Variants in NCAPH observed in about 807,000 individuals in gnomAD.
NCAPH encodes the protein condensin complex subunit 2.
A neutral mutation model predicts 85.5 loss-of-function variants in NCAPH; 38 were observed. The ratio of observed to expected loss-of-function variants is 0.44; its 90% CI spans 0.34 to 0.58. The LOEUF is 0.58. NCAPH is among the 20% of genes least tolerant of loss of function. The probability of loss-of-function intolerance (pLI) is 0.01; values close to 1 mark genes in which losing one functional copy is unlikely to be tolerated. For missense variants in NCAPH, 789 were observed against 916.6 expected, an observed-to-expected ratio of 0.86 and a Z score of 1.80; for synonymous variants, 301 against 335.1, an observed-to-expected ratio of 0.90 and a Z score of 1.11.
chr2:96,339,862 T>C (rs2064267385), intron 1 of NCAPH, among the ~76,000 whole-genome samples: 1 of 152,184 alleles, frequency 6.6e-6, no homozygotes, highest in African/African-American at 2.4e-5. Context: ...CCTGATTTTC[T>C]CCCACCTCAC....
chr2:96,358,617 C>T lies in NCAPH; in HGVS notation c.1209-428C>T, dbSNP rs995406275. On this transcript the variant is annotated intron_variant, in intron 9 of 17. Coordinates refer to ENST00000240423, the MANE Select transcript of NCAPH (RefSeq NM_015341.5). ...CGGAGTAGCTGGGACTACAGGCGCC[C>T]GCCACCACGCCCGGCTAATTTTTTG... is the stretch of plus-strand genomic sequence containing the variant. Among the ~76,000 whole-genome samples, 9 of 151,890 alleles carry T rather than the reference C, an allele frequency of 5.9e-5. 1 individual carries two copies. Among genetic ancestry groups the T allele is most frequent in the Non-Finnish European group, 7.4e-5 (5 of 67,880 alleles).
Position 96,361,824 on chromosome 2 carries a change from ATATATTTT to A in NCAPH, c.1587+1116_1587+1123del, listed in dbSNP as rs1266971298. On this transcript the variant is annotated intron_variant, in intron 12 of 17. Coordinates refer to ENST00000240423, the MANE Select transcript of NCAPH (RefSeq NM_015341.5). ...TATATGTGTATATATATATATATAT[ATATATTTT>A]TTTTTTTTTTTCCCTGAATTGACTG... Among the ~76,000 whole-genome samples, 12 of 120,230 alleles carry A rather than the reference ATATATTTT, an allele frequency of 1.0e-4. No individual in the cohort carries two copies. In the South Asian group the frequency reaches 4.9e-3, roughly 49 times the overall value. The allele number at this position is 120,230 out of a possible 152,430, so 78.9% of individuals were successfully genotyped here. A position where few individuals can be genotyped will look rare whatever the true frequency, so the allele number is the denominator to read the frequency against.
Position 96,365,939 on chromosome 2 carries a change from C to T in NCAPH, c.1762C>T (p.Leu588Phe). 6.2e-7 allele frequency: 1 copy of T among 1,614,140 alleles called. No individual in the cohort carries two copies. Among genetic ancestry groups the T allele is most frequent in the Non-Finnish European group, 8.5e-7 (1 of 1,180,024 alleles). ...TGTGGGACCTGTTGGGAACTCTGAC[C>T]TCTCACCTTATCCTTGCCATCCACC... ...LFVGPVGNSD[L>F]SPYPCHPPKT... Residue 588 changes from leucine to phenylalanine, a missense_variant, in exon 14 of 18, where the codon CTC becomes TTC. Leu to Phe is a conservative substitution (Grantham distance 22). Coordinates refer to ENST00000240423, the MANE Select transcript of NCAPH (RefSeq NM_015341.5).
intron 1 of NCAPH, among the ~76,000 whole-genome samples, chr2:96,338,335 G>A (rs1200842926): frequency 1.3e-5 from 2 of 150,590 alleles, no homozygotes; most frequent in Non-Finnish European, 2.9e-5. Flanking sequence ...CAGTGCCTCT[G>A]TCTTTTCTCC....
intron 12 of NCAPH, among the ~76,000 whole-genome samples, 184 bp downstream of exon 12, chr2:96,360,894 CACACAGTAA>C (rs1257370393): frequency 6.6e-6 from 1 of 152,110 alleles, no homozygotes; most frequent in Non-Finnish European, 1.5e-5. Context: ...ATATGATGGA[CACACAGTAA>C]ACACTTGGAA....
At chr2:96,364,440 C>A in intron 12 of NCAPH, 41 bp from the exon 13 acceptor site, 1 of 1,359,788 alleles carries the variant, frequency 7.4e-7, no homozygotes, top group Non-Finnish European at 1.0e-6. Context: ...AGTTCAGTAG[C>A]TTTTAACAAA....
At position 96,375,588 on chromosome 2, in the gene NCAPH, C is replaced by T. The variant is rs2064823437; in HGVS notation, c.*2237C>T. 6.6e-6 allele frequency among the ~76,000 whole-genome samples: 1 copy of T among 152,176 alleles called. No homozygotes were observed. Among genetic ancestry groups the T allele is most frequent in the Non-Finnish European group, 1.5e-5 (1 of 68,030 alleles). On this transcript the variant is annotated 3_prime_UTR_variant, in exon 18 of 18. Coordinates refer to ENST00000240423, the MANE Select transcript of NCAPH (RefSeq NM_015341.5). ...ATCTTGGACTTCTCAGCCTCTAGAA[C>T]TGTGAACAATAAATCTATTGTTTAT...
chr2:96,345,616 G>A (rs1025336660), intron 6 of NCAPH, among the ~76,000 whole-genome samples: 7 of 152,190 alleles, frequency 4.6e-5, no homozygotes, highest in African/African-American at 1.7e-4. Context: ...AAAGCTGAAT[G>A]TCCCAGACCC....
In NCAPH at chr2:96,367,772, G is replaced by A. The variant is rs368255062; in HGVS notation, c.1998+399G>A. Among the ~76,000 whole-genome samples, 38 of 152,334 alleles carry A rather than the reference G, an allele frequency of 2.5e-4. No individual in the cohort carries two copies. In the East Asian group the frequency reaches 5.4e-3, roughly 22 times the overall value. The stretch of plus-strand genomic sequence containing the variant: ...CAAATAGCAAACTAGTGTGTAAGAC[G>A]TGATTCAGCCTTGCTGGTAATCAAA... On this transcript the variant is annotated intron_variant, in intron 15 of 17. Transcript: ENST00000240423.
chr2:96,363,484 A>G (rs1490739201), intron 12 of NCAPH, among the ~76,000 whole-genome samples: 1 of 152,228 alleles, frequency 6.6e-6, no homozygotes, highest in Non-Finnish European at 1.5e-5. Context: ...TGTTACAAGC[A>G]CATTGTGGGT....
At chr2:96,366,413 A>C (rs2064699963) in intron 14 of NCAPH, among the ~76,000 whole-genome samples, 1 of 152,252 alleles carries the variant, frequency 6.6e-6, no homozygotes, top group African/African-American at 2.4e-5. Context: ...TTTGTATTAA[A>C]TTATCATGTA....
intron 6 of NCAPH, among the ~76,000 whole-genome samples, chr2:96,347,693 G>A (rs2064380090): frequency 6.6e-6 from 1 of 152,210 alleles, no homozygotes; most frequent in East Asian, 1.9e-4. Flanking sequence ...ATGTAGAATT[G>A]TGGGTGTCTT....
At chr2:96,366,941 C>T (rs1035067875) in intron 14 of NCAPH, among the ~76,000 whole-genome samples, 2 of 150,074 alleles carry the variant, frequency 1.3e-5, no homozygotes, top group African/African-American at 4.9e-5. Context: ...AATACCATCT[C>T]TACTAAAAAT....
intron 3 of NCAPH, among the ~76,000 whole-genome samples, 200 bp downstream of exon 3, chr2:96,342,340 A>G (rs915469177): frequency 6.6e-6 from 1 of 152,216 alleles, no homozygotes; most frequent in Non-Finnish European, 1.5e-5. Context: ...TGTATCTAGA[A>G]AGGCAGCATG....
chr2:96,368,317 A>G (rs2064726623), intron 15 of NCAPH, among the ~76,000 whole-genome samples: 1 of 152,180 alleles, frequency 6.6e-6, no homozygotes, highest in South Asian at 2.1e-4. Context: ...TTTAAATATG[A>G]ATTTTGTGCT....
intron 2 of NCAPH, 71 bp from the exon 3 acceptor site, chr2:96,341,979 G>C (rs989097366): frequency 1.1e-5 from 17 of 1,604,132 alleles, no homozygotes; most frequent in Non-Finnish European, 1.4e-5. Context: ...AAAACTTCAT[G>C]GGTCTAGGTT....
chr2:96,342,143 G>C lies in NCAPH; in HGVS notation c.363+3G>C. On this transcript the variant is annotated splice_donor_region_variant and intron_variant, in intron 3 of 17. Coordinates refer to ENST00000240423, the MANE Select transcript of NCAPH (RefSeq NM_015341.5). The stretch of plus-strand genomic sequence containing the variant: ...GTATCAAACTGTCCACTGAAAATGT[G>C]AGTATTTGCTGGTTTATTATTGAAG... The C allele has an allele frequency of 6.3e-7, 1 of 1,596,642 alleles. No homozygotes were observed. Among genetic ancestry groups the C allele is most frequent in the Non-Finnish European group, 8.6e-7 (1 of 1,164,022 alleles).
chr2:96,341,672 C>T lies in NCAPH; in HGVS notation c.50C>T (p.Ser17Leu). ...ALPATMNNSS[S>L]ETRGHPHSAS... Reference sequence around the variant, plus strand: ...CCAGCCACAATGAATAACTCTTCTTCAGAGACGCGAGGACACCCCCACAGT... The same window carrying T: ...CCAGCCACAATGAATAACTCTTCTTTAGAGACGCGAGGACACCCCCACAGT... The change falls in exon 2 of 18, where the codon TCA becomes TTA. Residue 17 changes from serine (S) to leucine (L), a missense_variant. Transcript: ENST00000240423. 1 of 1,614,028 alleles carries T rather than the reference C, an allele frequency of 6.2e-7. No individual in the cohort carries two copies. Among genetic ancestry groups the T allele is most frequent in the Non-Finnish European group, 8.5e-7 (1 of 1,179,916 alleles).
intron 6 of NCAPH, among the ~76,000 whole-genome samples, chr2:96,348,978 A>G (rs2064400523): frequency 6.6e-6 from 1 of 152,100 alleles, no homozygotes; most frequent in African/African-American, 2.4e-5. Context: ...TTGATTCTAT[A>G]GTGAAATGTT....
Sources: allele counts gnomAD v4.1 joint callset (sites outside exome capture counted in the v4.1 genomes callset), GRCh38; gene constraint gnomAD v4.1.1; transcripts MANE v1.5; gene names NCBI Gene and HGNC (gene_info 2026-07-23, HGNC 2026-07-21).